The following CD9 variants were observed in gnomAD, a reference collection of about 807,000 sequenced individuals.
CD9 encodes the protein CD9 antigen.
CD9 carries 10 observed loss-of-function variants against 31.4 expected under a neutral mutation model. That is an observed-to-expected ratio of 0.32 (90% CI 0.20 to 0.54). The LOEUF (loss-of-function observed/expected upper bound fraction) is 0.54, where lower values mean the gene tolerates loss of function less well. CD9 is among the 20% of genes least tolerant of loss of function. The pLI, the probability that CD9 is intolerant of heterozygous loss-of-function variation, is 0.94. For synonymous variants in CD9, 113 were observed against 114.1 expected, an observed-to-expected ratio of 0.99 and a Z score of 0.06; for missense variants, 259 against 300.1, an observed-to-expected ratio of 0.86 and a Z score of 1.01.
rs993402903 is a variant in CD9, at chr12:6,211,433, G to A, written c.66+10868G>A. On this transcript the variant is annotated intron_variant, in intron 1 of 7. Coordinates refer to ENST00000009180, the MANE Select transcript of CD9 (RefSeq NM_001769.4). ...GATCCCATGTTGGAGCAGGAGGGCCGTTCCACCAAGCGGTGCCGGAAGTGC... is the reference window on the plus strand; with the variant it reads ...GATCCCATGTTGGAGCAGGAGGGCCATTCCACCAAGCGGTGCCGGAAGTGC... Among the ~76,000 whole-genome samples the A allele has an allele frequency of 4.1e-4, 63 of 152,168 alleles. 4 individuals are homozygous for A. Among genetic ancestry groups the A allele is most frequent in the Non-Finnish European group, 2.9e-4 (20 of 68,036 alleles).
intron 1 of CD9, among the ~76,000 whole-genome samples, chr12:6,219,159 C>T (rs946015800): frequency 6.6e-6 from 1 of 152,086 alleles, no homozygotes; most frequent in African/African-American, 2.4e-5. Context: ...GCACACACCA[C>T]CACGCCCGGC....
chr12:6,211,220 C>T (rs2268016), intron 1 of CD9, among the ~76,000 whole-genome samples: 61,612 of 152,042 alleles, frequency 0.41, 12,723 homozygotes, highest in Admixed American at 0.51. Flanking sequence ...ATTCTGAAAA[C>T]TAAATAGTTC....
upstream of CD9, chr12:6,200,202 G>C (rs1381861553): frequency 1.3e-5 from 2 of 159,232 alleles, no homozygotes; most frequent in African/African-American, 2.5e-5. Context: ...CGGGCTCCGC[G>C]GGGCAGCTGG....
At chr12:6,209,832 GTA>G (rs1946174354) in intron 1 of CD9, among the ~76,000 whole-genome samples, 1 of 151,926 alleles carries the variant, frequency 6.6e-6, no homozygotes, top group African/African-American at 2.4e-5. Context: ...TTACAGGCAT[GTA>G]CCACCATGCC....
intron 1 of CD9, among the ~76,000 whole-genome samples, chr12:6,213,206 C>T (rs1290954844): frequency 6.6e-6 from 1 of 152,228 alleles, no homozygotes; most frequent in Non-Finnish European, 1.5e-5. Flanking sequence ...CTCTCCTTAA[C>T]ATTTTTCACA....
intron 6 of CD9, chr12:6,235,930 T>C: frequency 1.4e-6 from 2 of 1,394,134 alleles, no homozygotes; most frequent in African/African-American, 1.4e-5. Flanking sequence ...CTTACAACCA[T>C]GTCAGAAATA....
Position 6,236,222 on chromosome 12 carries a change from G to A in CD9, c.568G>A (p.Asp190Asn), listed in dbSNP as rs752203680. Residue 190 changes from aspartate (D) to asparagine (N), a missense_variant, in exon 7 of 8, where the codon GAC (aspartate) becomes AAC (asparagine). Physicochemically the swap from Asp to Asn is conservative, Grantham distance 23 (BLOSUM62 1). Transcript: ENST00000009180. ...TCCTGATGCCATCAAAGAGGTCTTC[G>A]ACAATAAATTCCACATCATCGGCGC... ...SCPDAIKEVFDNKFHIIGAVG... is the reference protein window; with the variant it reads ...SCPDAIKEVFNNKFHIIGAVG... 10 of 1,614,060 alleles carry A rather than the reference G, an allele frequency of 6.2e-6. No homozygotes were observed. Among genetic ancestry groups the A allele is most frequent in the African/African-American group, 4.0e-5 (3 of 74,924 alleles).
chr12:6,225,854 C>T (rs1224657852), intron 2 of CD9: 3 of 278,946 alleles, frequency 1.1e-5, no homozygotes, highest in African/African-American at 4.4e-5. Flanking sequence ...CTGATGCTCT[C>T]TCCTGATTGT....
At position 6,210,055 on chromosome 12, in the gene CD9, C is replaced by G. The variant is rs575033518; in HGVS notation, c.66+9490C>G. 2.0e-5 allele frequency among the ~76,000 whole-genome samples: 3 copies of G among 152,332 alleles called. No homozygotes were observed. In the East Asian group the frequency reaches 5.8e-4, roughly 29 times the overall value. On this transcript the variant is annotated intron_variant, in intron 1 of 7. Coordinates refer to ENST00000009180, the MANE Select transcript of CD9 (RefSeq NM_001769.4). The stretch of plus-strand genomic sequence containing the variant: ...GGAGGGACACTTTGGCCTTCTTTGT[C>G]ATGGGAGGCTGGCACTCTCCTCTAG...
chr12:6,231,118 G>T (rs936239619), intron 2 of CD9, among the ~76,000 whole-genome samples: 7 of 152,124 alleles, frequency 4.6e-5, no homozygotes, highest in African/African-American at 1.7e-4. Context: ...TCTCTCTCGC[G>T]TGCGTGTTTT....
rs1489455172 is a variant in CD9 at position 6,225,495 on chromosome 12, G to A, written c.136G>A (p.Glu46Lys). Residue 46 changes from glutamate to lysine, a missense_variant, in exon 2 of 8, where the codon GAG becomes AAG. Glu to Lys is a moderately conservative substitution (Grantham distance 56). Transcript: ENST00000009180. The stretch of plus-strand genomic sequence containing the variant: ...CGACTCTCAGACCAAGAGCATCTTC[G>A]AGCAAGAAACTAATAATAATAATTC... ...RFDSQTKSIF[E>K]QETNNNNSSF... is the part of the protein sequence containing the mutation. 7.4e-6 allele frequency: 12 copies of A among 1,613,168 alleles called. No individual in the cohort carries two copies. The highest frequency in any genetic ancestry group is 2.2e-5 in the East Asian group (1 of 44,874).
intron 1 of CD9, among the ~76,000 whole-genome samples, chr12:6,216,811 A>G (rs1168602876): frequency 6.6e-6 from 1 of 152,188 alleles, no homozygotes; most frequent in Non-Finnish European, 1.5e-5. Flanking sequence ...GCCTTCTCCG[A>G]TCACAGGAGG....
At chr12:6,203,980 G>T (rs1946101997) in intron 1 of CD9, among the ~76,000 whole-genome samples, 1 of 152,056 alleles carries the variant, frequency 6.6e-6, no homozygotes, top group African/African-American at 2.4e-5. Context: ...AGCAGTGTGG[G>T]GCTGGGAGGT....
At chr12:6,223,147 T>C (rs988449521) in intron 1 of CD9, among the ~76,000 whole-genome samples, 8 of 152,190 alleles carry the variant, frequency 5.3e-5, no homozygotes, top group Non-Finnish European at 1.2e-4. Flanking sequence ...GCCTACAGTT[T>C]TCAGGTTAAC....
chr12:6,225,168 A>G, intron 1 of CD9: 1 of 504,432 alleles, frequency 2.0e-6, no homozygotes, highest in Non-Finnish European at 3.5e-6. Flanking sequence ...ACTGCTGTAT[A>G]GTGTTCTGTT....
At chr12:6,215,966 A>G (rs770283566) in intron 1 of CD9, among the ~76,000 whole-genome samples, 3 of 152,328 alleles carry the variant, frequency 2.0e-5, no homozygotes, top group Middle Eastern at 3.4e-3. Context: ...GTCCTGCCCA[A>G]GTGGCTTTGC....
chr12:6,215,337 T>C lies in CD9; in HGVS notation c.67-10089T>C, dbSNP rs747248049. On this transcript the variant is annotated intron_variant, in intron 1 of 7. Transcript: ENST00000009180. ...AGCTTTTCTCTGTCCTTCCTGATTA[T>C]TGGTGTGTAAATGAAGGCCTAGAGT... 7.9e-5 allele frequency among the ~76,000 whole-genome samples: 12 copies of C among 152,286 alleles called. 1 individual carries two copies. The South Asian group carries it at 1.5e-3, about 18-fold the overall frequency.
intron 2 of CD9, among the ~76,000 whole-genome samples, chr12:6,228,876 C>T (rs752627346): frequency 6.6e-6 from 1 of 152,262 alleles, no homozygotes; most frequent in African/African-American, 2.4e-5. Flanking sequence ...ACAGGCCAGC[C>T]TGACCATGCA....
chr12:6,236,674 C>A (rs1946527400), intron 7 of CD9: 2 of 411,886 alleles, frequency 4.9e-6, no homozygotes, highest in East Asian at 7.0e-5. Context: ...TGCATCTGAA[C>A]ATGGGCAGCC....
Sources: gnomAD v4.1 joint callset for allele counts (sites outside exome capture counted in the v4.1 genomes callset) on GRCh38, gnomAD v4.1.1 for gene constraint, MANE v1.5 for transcripts, NCBI Gene and HGNC (gene_info 2026-07-23, HGNC 2026-07-21) for gene names.